Variants in CSMD1 observed in about 807,000 individuals in gnomAD.
CSMD1 encodes CUB and sushi domain-containing protein 1.
In CSMD1, 213 loss-of-function variants were observed where a neutral mutation model predicts 417.5. The observed-to-expected ratio is 0.51, with a 90% CI of 0.46 to 0.57. The LOEUF is 0.57. Ranked by LOEUF, CSMD1 falls within the 20% of genes least tolerant of loss-of-function variation. CSMD1 has a pLI of 0.00. For missense variants in CSMD1, 6,923 were observed against 4,529.7 expected (o/e 1.53, Z -15.17); for synonymous variants, 2,862 against 1,736.8 (o/e 1.65, Z -16.11).
At chr8:3,590,563 G>C in intron 8 of CSMD1, among the ~76,000 whole-genome samples, 1 of 152,170 alleles carries the variant, frequency 6.6e-6, no homozygotes, top group Non-Finnish European at 1.5e-5. Context: ...TCAGTACATT[G>C]AGAGTACAGT....
intron 5 of CSMD1, among the ~76,000 whole-genome samples, chr8:3,974,321 C>T (rs1322458223): frequency 4.0e-5 from 6 of 150,338 alleles, no homozygotes; most frequent in Non-Finnish European, 8.9e-5. Context: ...TTCCTTTTGC[C>T]CCTTAAGCAC....
At chr8:3,282,033 T>A (rs898496518) in intron 26 of CSMD1, among the ~76,000 whole-genome samples, 9 of 152,178 alleles carry the variant, frequency 5.9e-5, no homozygotes, top group Non-Finnish European at 1.2e-4. Flanking sequence ...TGACTGTAAG[T>A]TTCCTGAGGC....
At chr8:3,506,340 G>T (rs950560307) in intron 10 of CSMD1, among the ~76,000 whole-genome samples, 2 of 152,178 alleles carry the variant, frequency 1.3e-5, no homozygotes, top group African/African-American at 4.8e-5. Context: ...AGACAAGGAG[G>T]CTTGCCGGAG....
chr8:4,922,060 C>T (rs944958109), intron 1 of CSMD1, among the ~76,000 whole-genome samples: 1 of 152,206 alleles, frequency 6.6e-6, no homozygotes, highest in South Asian at 2.1e-4. Flanking sequence ...GCCCTCTTCA[C>T]TTGTACCCAG....
At chr8:4,570,281 T>C (rs1036932460) in intron 2 of CSMD1, among the ~76,000 whole-genome samples, 2 of 152,196 alleles carry the variant, frequency 1.3e-5, no homozygotes, top group African/African-American at 4.8e-5. Context: ...GGGTTTGTCA[T>C]ACACAGCTCT....
intron 3 of CSMD1, among the ~76,000 whole-genome samples, chr8:4,038,506 G>A (rs1226804089): frequency 2.0e-5 from 3 of 152,118 alleles, no homozygotes; most frequent in South Asian, 2.1e-4. Flanking sequence ...TCAACCCAAT[G>A]TCATTTCTGC....
intron 1 of CSMD1, among the ~76,000 whole-genome samples, chr8:4,701,346 C>G (rs956490028): frequency 6.7e-6 from 1 of 149,626 alleles, no homozygotes; most frequent in African/African-American, 2.5e-5. Context: ...TGCTTAAGAA[C>G]TTACTACTCC....
At position 3,991,135 on chromosome 8, in the gene CSMD1, T is replaced by C. The variant is rs1863474; in HGVS notation, c.818+6768A>G. Among the ~76,000 whole-genome samples, 4 of 152,206 alleles carry C rather than the reference T, an allele frequency of 2.6e-5. No homozygotes were observed. The South Asian group carries it at 6.2e-4, about 24-fold the overall frequency. Reference sequence around the variant, plus strand: ...CGAGAGAAAAGGTAGAGACTGGAAATTGGCCCCACAGTAGACATTGTGGAG... The same window carrying C: ...CGAGAGAAAAGGTAGAGACTGGAAACTGGCCCCACAGTAGACATTGTGGAG... On this transcript the variant is annotated intron_variant, in intron 5 of 69. Transcript: ENST00000635120.
intron 25 of CSMD1, among the ~76,000 whole-genome samples, chr8:3,301,124 A>C (rs143332819): frequency 1.8e-4 from 28 of 152,254 alleles, no homozygotes; most frequent in African/African-American, 6.3e-4. Context: ...TGATTTCTTC[A>C]ATTGTTTTTT....
intron 1 of CSMD1, among the ~76,000 whole-genome samples, chr8:4,929,297 G>A (rs563258771): frequency 2.3e-4 from 35 of 152,144 alleles, no homozygotes; most frequent in African/African-American, 6.7e-4. Flanking sequence ...CCAGCCTCCC[G>A]AACCATGGGC....
At position 3,359,108 on chromosome 8, in the gene CSMD1, C is replaced by T. The variant is rs368948526; in HGVS notation, c.3304+44G>A. 4.6e-4 allele frequency: 732 copies of T among 1,597,496 alleles called. 2 individuals carry two copies. Among genetic ancestry groups the T allele is most frequent in the Non-Finnish European group, 4.5e-4 (527 of 1,165,844 alleles). On this transcript the variant is annotated intron_variant, in intron 21 of 69. Transcript: ENST00000635120. ...CCTAGGCTTCTTGCCTGGGCTAGAC[C>T]CTGCCCCCATGGATGAATGAAATGA...
chr8:4,742,796 T>C (rs1378446187), intron 1 of CSMD1, among the ~76,000 whole-genome samples: 2 of 152,174 alleles, frequency 1.3e-5, no homozygotes, highest in Non-Finnish European at 2.9e-5. Flanking sequence ...AGCCCAATTA[T>C]ATAAATCGCA....
intron 3 of CSMD1, among the ~76,000 whole-genome samples, chr8:4,353,812 A>C (rs546534956): frequency 1.0e-3 from 155 of 152,270 alleles, no homozygotes; most frequent in African/African-American, 3.7e-3. Flanking sequence ...TCGATCATTA[A>C]AACCAGTGTT....
chr8:3,779,157 G>GTGTGTA (rs1280887582), intron 5 of CSMD1, among the ~76,000 whole-genome samples: 1 of 148,840 alleles, frequency 6.7e-6, no homozygotes, highest in East Asian at 1.9e-4. Flanking sequence ...ACTTGTGTGT[G>GTGTGTA]TGTGTGTGTG....
At chr8:3,578,476 C>T (rs935696902) in intron 9 of CSMD1, among the ~76,000 whole-genome samples, 4 of 152,288 alleles carry the variant, frequency 2.6e-5, no homozygotes, top group East Asian at 1.9e-4. Context: ...GCAAAGGAAG[C>T]GGATGGCTGC....
At chr8:3,624,652 G>A (rs17066629) in intron 7 of CSMD1, among the ~76,000 whole-genome samples, 1 of 152,132 alleles carries the variant, frequency 6.6e-6, no homozygotes, top group South Asian at 2.1e-4. Context: ...TGTTCTCATT[G>A]AAATTTTTAG....
At position 4,581,339 on chromosome 8, in the gene CSMD1, TTTAA is replaced by T. The variant is rs146798919; in HGVS notation, c.302+55999_302+56002del. 5.3e-3 allele frequency among the ~76,000 whole-genome samples: 809 copies of T among 152,314 alleles called. 3 individuals carry two copies. Among genetic ancestry groups the T allele is most frequent in the Non-Finnish European group, 9.0e-3 (613 of 68,022 alleles). ...TTATTTTAAGTTGAATATATACTACTTTAATTAAATCTTACTACCTCTCGATATA... is the reference window on the plus strand; with the variant it reads ...TTATTTTAAGTTGAATATATACTACTTTAAATCTTACTACCTCTCGATATA... On this transcript the variant is annotated intron_variant, in intron 2 of 69. Coordinates refer to ENST00000635120, the MANE Select transcript of CSMD1 (RefSeq NM_033225.6).
chr8:4,359,081 C>T (rs537559914), intron 3 of CSMD1, among the ~76,000 whole-genome samples: 40 of 152,144 alleles, frequency 2.6e-4, no homozygotes, highest in African/African-American at 8.9e-4. Context: ...ATTCCAGTTA[C>T]ACATAGTATA....
At position 3,348,175 on chromosome 8, in the gene CSMD1, G is replaced by A. The variant is rs772508179; in HGVS notation, c.3305-14C>T. 1 of 1,600,766 alleles carries A rather than the reference G, an allele frequency of 6.2e-7. No individual in the cohort carries two copies. Among genetic ancestry groups the A allele is most frequent in the East Asian group, 2.2e-5 (1 of 44,616 alleles). Reference sequence around the variant, plus strand: ...CTCCACATTCGGCTACAATAAATAGGACATGAGAGAAAGAGGATTCAAAAG... The same window carrying A: ...CTCCACATTCGGCTACAATAAATAGAACATGAGAGAAAGAGGATTCAAAAG... On this transcript the variant is annotated splice_polypyrimidine_tract_variant and intron_variant, in intron 21 of 69. Transcript: ENST00000635120.
Sources: allele counts gnomAD v4.1 joint callset (sites outside exome capture counted in the v4.1 genomes callset), GRCh38; gene constraint gnomAD v4.1.1; transcripts MANE v1.5; gene names NCBI Gene and HGNC (gene_info 2026-07-23, HGNC 2026-07-21).